The following STARD3NL variants were observed in gnomAD, a reference collection of about 807,000 sequenced individuals.
STARD3NL encodes STARD3 N-terminal like.
STARD3NL carries 17 observed loss-of-function variants against 30.9 expected under a neutral mutation model. That is an observed-to-expected ratio of 0.55 (90% CI 0.38 to 0.82). The LOEUF is 0.82. STARD3NL is among the 40% of genes least tolerant of loss of function. STARD3NL has a pLI of 0.00. For missense variants in STARD3NL, 234 were observed against 277.6 expected, an observed-to-expected ratio of 0.84 and a Z score of 1.12; for synonymous variants, 112 against 100.5, an observed-to-expected ratio of 1.11 and a Z score of -0.69.
chr7:38,200,930 G>A (rs749892982), intron 1 of STARD3NL, among the ~76,000 whole-genome samples: 1 of 152,088 alleles, frequency 6.6e-6, no homozygotes, highest in Non-Finnish European at 1.5e-5. Context: ...TGAATAGTAT[G>A]TTTCTAACAT....
At chr7:38,228,123 T>C (rs1290663457) in intron 7 of STARD3NL, among the ~76,000 whole-genome samples, 1 of 152,240 alleles carries the variant, frequency 6.6e-6, no homozygotes, top group Non-Finnish European at 1.5e-5. Context: ...AAATTCTATA[T>C]AACCATAATT....
chr7:38,186,891 A>G (rs1291084337), intron 1 of STARD3NL, among the ~76,000 whole-genome samples: 1 of 152,168 alleles, frequency 6.6e-6, no homozygotes, highest in Non-Finnish European at 1.5e-5. Context: ...AAGGGGGAAA[A>G]AAGCTGCAAA....
chr7:38,197,146 T>C (rs1466609915), intron 1 of STARD3NL, among the ~76,000 whole-genome samples: 1 of 140,448 alleles, frequency 7.1e-6, no homozygotes, highest in Non-Finnish European at 1.5e-5. Context: ...TTTTCTTTCT[T>C]TCTTTCTTTC....
rs574442364 is a variant in STARD3NL, at chr7:38,203,936, A to G, written c.-58-3511A>G. Among the ~76,000 whole-genome samples the G allele has an allele frequency of 1.0e-3, 152 of 152,188 alleles. 1 individual carries two copies. Among genetic ancestry groups the G allele is most frequent in the Non-Finnish European group, 2.0e-3 (133 of 68,034 alleles). On this transcript the variant is annotated intron_variant, in intron 1 of 8. Transcript: ENST00000009041. The stretch of plus-strand genomic sequence containing the variant: ...TTCAACAAGAAGAGCTAACTATCCT[A>G]AATATATATGCACCCAATACAGGAG...
chr7:38,180,415 C>G (rs1291840767), intron 1 of STARD3NL, among the ~76,000 whole-genome samples: 2 of 152,200 alleles, frequency 1.3e-5, no homozygotes, highest in African/African-American at 4.8e-5. Context: ...CAGTTGGTCC[C>G]TGCTCTTCTC....
chr7:38,180,777 C>T (rs1227063462), intron 1 of STARD3NL, among the ~76,000 whole-genome samples: 2 of 152,154 alleles, frequency 1.3e-5, no homozygotes, highest in African/African-American at 4.8e-5. Context: ...TATGATGTGG[C>T]ATTTTAGAGA....
intron 1 of STARD3NL, among the ~76,000 whole-genome samples, chr7:38,178,749 G>C (rs1459391306): frequency 6.6e-6 from 1 of 152,144 alleles, no homozygotes; most frequent in Non-Finnish European, 1.5e-5. Context: ...GTCGGCCCCG[G>C]GCTGGCGCCA....
chr7:38,185,170 G>A (rs373708496), intron 1 of STARD3NL, among the ~76,000 whole-genome samples: 80 of 151,988 alleles, frequency 5.3e-4, no homozygotes, highest in African/African-American at 1.4e-3. Flanking sequence ...AGGTTACTTC[G>A]GTTGCTGATC....
At chr7:38,216,458 T>C (rs1446887757) in intron 4 of STARD3NL, 1 of 43,766 alleles carries the variant, frequency 2.3e-5, no homozygotes, top group Non-Finnish European at 4.2e-5. Context: ...CAAGCAGCTC[T>C]GTGTGTGTGT....
At chr7:38,218,784 C>T (rs1245617815) in intron 6 of STARD3NL, among the ~76,000 whole-genome samples, 1 of 152,186 alleles carries the variant, frequency 6.6e-6, no homozygotes, top group Non-Finnish European at 1.5e-5. Context: ...CAGCTGTCCA[C>T]GTCCTGCTTT....
intron 1 of STARD3NL, among the ~76,000 whole-genome samples, chr7:38,192,770 A>G (rs1784738453): frequency 6.6e-6 from 1 of 152,224 alleles, no homozygotes; most frequent in African/African-American, 2.4e-5. Context: ...AATATTTGGA[A>G]AATTTCCTGT....
At chr7:38,184,638 TATAGTATATAACCG>T (rs1784382946) in intron 1 of STARD3NL, among the ~76,000 whole-genome samples, 1 of 145,750 alleles carries the variant, frequency 6.9e-6, no homozygotes, top group Non-Finnish European at 1.5e-5. Flanking sequence ...ATATACTATA[TATAGTATATAACCG>T]ATATAGTATA....
At chr7:38,183,489 A>G (rs1486791028) in intron 1 of STARD3NL, among the ~76,000 whole-genome samples, 6 of 152,078 alleles carry the variant, frequency 3.9e-5, no homozygotes, top group Non-Finnish European at 8.8e-5. Context: ...AAATATGTCC[A>G]TTTGTTTGGG....
intron 1 of STARD3NL, among the ~76,000 whole-genome samples, chr7:38,183,641 G>A (rs1784334903): frequency 6.6e-6 from 1 of 152,036 alleles, no homozygotes; most frequent in Non-Finnish European, 1.5e-5. Context: ...AGTTAATTTG[G>A]GAGAGTTGGG....
rs376259697 is a variant in STARD3NL, at chr7:38,216,978, A to C, written c.382-47A>C. 94 of 1,602,406 alleles carry C rather than the reference A, an allele frequency of 5.9e-5. No homozygotes were observed. The African/African-American group carries it at 1.0e-3, about 18-fold the overall frequency. On this transcript the variant is annotated intron_variant, in intron 4 of 8. Coordinates refer to ENST00000009041, the MANE Select transcript of STARD3NL (RefSeq NM_032016.4). The stretch of plus-strand genomic sequence containing the variant: ...CTTGTGAAGAGGGAGGTACCTTCAC[A>C]GTGTGAGATGCCTAGTGTGAACAGT...
At chr7:38,200,452 G>T (rs1421370337) in intron 1 of STARD3NL, among the ~76,000 whole-genome samples, 1 of 58,876 alleles carries the variant, frequency 1.7e-5, no homozygotes, top group East Asian at 4.9e-4. Context: ...AACGTTCTAT[G>T]TGTTAAGCCT....
chr7:38,192,997 CCTCT>C (rs1421075449), intron 1 of STARD3NL, among the ~76,000 whole-genome samples: 2 of 152,058 alleles, frequency 1.3e-5, no homozygotes, highest in Middle Eastern at 6.8e-3. Context: ...AAAATCCTTC[CCTCT>C]CTATGTGTTT....
At chr7:38,211,711 C>A (rs1336445181) in intron 2 of STARD3NL, among the ~76,000 whole-genome samples, 2 of 152,162 alleles carry the variant, frequency 1.3e-5, no homozygotes, top group East Asian at 1.9e-4. Flanking sequence ...TCACAGCCTC[C>A]TTGACCTGTC....
At chr7:38,218,180 T>TA (rs756809680) in intron 6 of STARD3NL, among the ~76,000 whole-genome samples, 4 of 152,188 alleles carry the variant, frequency 2.6e-5, no homozygotes, top group Non-Finnish European at 4.4e-5. Flanking sequence ...ATGCTGTTTT[T>TA]ATGCCTCTGC....
Sources: allele counts gnomAD v4.1 joint callset (sites outside exome capture counted in the v4.1 genomes callset), GRCh38; gene constraint gnomAD v4.1.1; transcripts MANE v1.5; gene names NCBI Gene and HGNC (gene_info 2026-07-23, HGNC 2026-07-21).